SLC4A10: variants seen among roughly 807,000 people sequenced by gnomAD.
SLC4A10 encodes solute carrier family 4 member 10.
A neutral mutation model predicts 137.7 loss-of-function variants in SLC4A10; 42 were observed. The observed-to-expected ratio is 0.30, with a 90% CI of 0.24 to 0.39. SLC4A10 has a LOEUF of 0.39. SLC4A10 is among the 10% of genes least tolerant of loss of function. The probability of loss-of-function intolerance (pLI) is 1.00; values close to 1 mark genes in which losing one functional copy is unlikely to be tolerated. For missense variants in SLC4A10, 925 were observed against 1,355.0 expected (o/e 0.68, Z 4.98); for synonymous variants, 474 against 464.1 (o/e 1.02, Z -0.27).
At chr2:161,888,597 T>C (rs1250758861) in intron 10 of SLC4A10, among the ~76,000 whole-genome samples, 1 of 152,046 alleles carries the variant, frequency 6.6e-6, no homozygotes, top group Non-Finnish European at 1.5e-5. Flanking sequence ...CTGTGTCTGT[T>C]ATTGGTGTAT....
intron 1 of SLC4A10, among the ~76,000 whole-genome samples, chr2:161,750,574 G>A (rs550884824): frequency 5.9e-5 from 9 of 151,544 alleles, no homozygotes; most frequent in African/African-American, 9.7e-5. Context: ...TTCTGGTTTC[G>A]TGACATCGTG....
intron 16 of SLC4A10, among the ~76,000 whole-genome samples, chr2:161,945,278 G>A (rs1693585553): frequency 1.4e-5 from 2 of 138,090 alleles, no homozygotes; most frequent in Non-Finnish European, 3.1e-5. Flanking sequence ...AAATCCTTAG[G>A]CAAGATTTAA....
chr2:161,974,836 G>A (rs1699131160), intron 24 of SLC4A10, among the ~76,000 whole-genome samples: 1 of 152,088 alleles, frequency 6.6e-6, no homozygotes, highest in South Asian at 2.1e-4. Context: ...GCAAAAGAAA[G>A]CAAACTACTG....
At chr2:161,756,804 T>A (rs62189047) in intron 1 of SLC4A10, among the ~76,000 whole-genome samples, 12,377 of 152,176 alleles carry the variant, frequency 0.081, 645 homozygotes, top group East Asian at 0.14. Context: ...ACAATTGAAG[T>A]TTAAAAGAAT....
intron 10 of SLC4A10, among the ~76,000 whole-genome samples, chr2:161,891,908 G>C (rs926307987): frequency 5.9e-5 from 9 of 151,836 alleles, no homozygotes; most frequent in African/African-American, 2.2e-4. Flanking sequence ...GCCTTTTTGT[G>C]CTGAAAAACT....
intron 1 of SLC4A10, among the ~76,000 whole-genome samples, chr2:161,707,041 G>C (rs1446330179): frequency 6.6e-6 from 1 of 151,558 alleles, no homozygotes; most frequent in Admixed American, 6.6e-5. Context: ...TATAGAAAGA[G>C]AGACGATGTA....
chr2:161,830,048 A>G (rs1419772229), intron 3 of SLC4A10, among the ~76,000 whole-genome samples: 1 of 152,170 alleles, frequency 6.6e-6, no homozygotes, highest in Non-Finnish European at 1.5e-5. Context: ...GTGAGGACAC[A>G]GCCCAACCAT....
rs765730467 is a variant in SLC4A10 at position 161,958,534 on chromosome 2, T to C, written c.2841T>C (p.Ala947=). The C allele has an allele frequency of 1.2e-5, 19 of 1,610,800 alleles. 1 individual carries two copies. The highest frequency in any genetic ancestry group is 1.7e-5 in the Admixed American group (1 of 59,572). Residue 947 remains alanine (A), a synonymous_variant, in exon 21 of 27, where the codon GCT becomes GCC. Coordinates refer to ENST00000446997, the MANE Select transcript of SLC4A10 (RefSeq NM_001178015.2). The part of the protein sequence containing the change: ...VLYGVFLYMG[A]SSLKGIQFFD... ...ATGGAGTGTTTCTTTATATGGGTGC[T>C]TCATCTCTAAAGGGAATTCAGGTAA...
chr2:161,883,675 G>T (rs1156420222), intron 10 of SLC4A10, among the ~76,000 whole-genome samples: 3 of 152,104 alleles, frequency 2.0e-5, no homozygotes, highest in Admixed American at 2.0e-4. Flanking sequence ...CTCTAGGGGA[G>T]GATCCTTCCT....
intron 1 of SLC4A10, among the ~76,000 whole-genome samples, chr2:161,735,473 G>A (rs1319331456): frequency 1.3e-5 from 2 of 151,962 alleles, no homozygotes; most frequent in Non-Finnish European, 2.9e-5. Flanking sequence ...AATACAATAT[G>A]ATCTTAGGAT....
At chr2:161,911,897 A>C (rs913520969) in intron 15 of SLC4A10, among the ~76,000 whole-genome samples, 3 of 152,282 alleles carry the variant, frequency 2.0e-5, no homozygotes, top group Admixed American at 6.5e-5. Context: ...TTATTTATTC[A>C]ATAAATAAAC....
At chr2:161,904,500 G>A (rs548662279) in intron 13 of SLC4A10, among the ~76,000 whole-genome samples, 3 of 152,268 alleles carry the variant, frequency 2.0e-5, no homozygotes, top group South Asian at 4.1e-4. Context: ...CCATGTTTCT[G>A]TCCAGACACT....
intron 2 of SLC4A10, 140 bp from the exon 3 acceptor site, chr2:161,804,309 G>A (rs1303460735): frequency 7.8e-5 from 66 of 845,300 alleles, no homozygotes; most frequent in Non-Finnish European, 7.2e-5. Context: ...ACAGTGCCAC[G>A]CTCCAAGCTT....
intron 1 of SLC4A10, among the ~76,000 whole-genome samples, chr2:161,715,127 A>G (rs2044705757): frequency 6.6e-6 from 1 of 152,036 alleles, no homozygotes; most frequent in African/African-American, 2.4e-5. Context: ...GCCCAAGATC[A>G]AAATTGCCTG....
rs571718994 is a variant in SLC4A10, at chr2:161,876,638, C to T, written c.949-2493C>T. Among the ~76,000 whole-genome samples, 8 of 152,210 alleles carry T rather than the reference C, an allele frequency of 5.3e-5. No homozygotes were observed. In the South Asian group the frequency reaches 6.2e-4, roughly 12 times the overall value. Reference sequence around the variant, plus strand: ...GTTCGAGGCTGCAGTGAGCTGGGATCGCACCACTGCACTCCACTCTGGATG... The same window carrying T: ...GTTCGAGGCTGCAGTGAGCTGGGATTGCACCACTGCACTCCACTCTGGATG... On this transcript the variant is annotated intron_variant, in intron 8 of 26. Transcript: ENST00000446997.
chr2:161,653,981 A>T (rs1047294825), intron 1 of SLC4A10, among the ~76,000 whole-genome samples: 1 of 152,162 alleles, frequency 6.6e-6, no homozygotes, highest in Non-Finnish European at 1.5e-5. Context: ...TTTTTCCATG[A>T]CTACTATTTT....
intron 19 of SLC4A10, among the ~76,000 whole-genome samples, chr2:161,955,603 T>A (rs1029589332): frequency 6.6e-6 from 1 of 152,164 alleles, no homozygotes; most frequent in Non-Finnish European, 1.5e-5. Context: ...TGCACTTTTA[T>A]AATTTGGAAA....
intron 1 of SLC4A10, among the ~76,000 whole-genome samples, chr2:161,700,824 C>T (rs187189382): frequency 2.0e-4 from 30 of 152,170 alleles, no homozygotes; most frequent in Admixed American, 1.6e-3. Context: ...TTCTGCTCTA[C>T]GCGCTCTGTA....
At chr2:161,635,312 G>C (rs919146853) in intron 1 of SLC4A10, among the ~76,000 whole-genome samples, 1 of 152,084 alleles carries the variant, frequency 6.6e-6, no homozygotes, top group Non-Finnish European at 1.5e-5. Context: ...TTGTGGTAGA[G>C]AAAGACTCTC....
Sources: allele counts gnomAD v4.1 joint callset (sites outside exome capture counted in the v4.1 genomes callset), GRCh38; gene constraint gnomAD v4.1.1; transcripts MANE v1.5; gene names NCBI Gene and HGNC (gene_info 2026-07-23, HGNC 2026-07-21).